ST6GALNAC3: variants seen among roughly 807,000 people sequenced by gnomAD.
ST6GALNAC3 encodes ST6 N-acetylgalactosaminide alpha-2,6-sialyltransferase 3.
In ST6GALNAC3, 25 loss-of-function variants were observed where a neutral mutation model predicts 32.7. The ratio of observed to expected loss-of-function variants is 0.76; its 90% CI spans 0.56 to 1.07. The LOEUF (loss-of-function observed/expected upper bound fraction) is 1.07, where lower values mean the gene tolerates loss of function less well. Among genes scored for constraint, ST6GALNAC3 ranks in the 50% least tolerant of loss-of-function variants. ST6GALNAC3 has a pLI of 0.00. For synonymous variants in ST6GALNAC3, 129 were observed against 133.1 expected (o/e 0.97, Z 0.21); for missense variants, 355 against 382.4 (o/e 0.93, Z 0.60).
intron 1 of ST6GALNAC3, among the ~76,000 whole-genome samples, chr1:76,264,900 C>CTTT (rs397864038): frequency 1.5e-5 from 2 of 137,442 alleles, no homozygotes; most frequent in African/African-American, 2.6e-5. Context: ...CTCTAGTGCT[C>CTTT]TTTTTTTTTT....
chr1:76,383,484 C>T (rs1651874162), intron 2 of ST6GALNAC3, among the ~76,000 whole-genome samples: 1 of 148,700 alleles, frequency 6.7e-6, no homozygotes, highest in Admixed American at 6.8e-5. Flanking sequence ...TCTATATTGC[C>T]CAGGCTGGTC....
In ST6GALNAC3 at chr1:76,162,324, G is replaced by T. The variant is rs552232213; in HGVS notation, c.18+87440G>T. On this transcript the variant is annotated intron_variant, in intron 1 of 4. Transcript: ENST00000328299. ...TGAATCTGTTGCATGCGCATTCTCC[G>T]TTGTAGCCAGATAAGTCTCTCTGCA... Among the ~76,000 whole-genome samples the T allele has an allele frequency of 1.4e-4, 21 of 152,296 alleles. No homozygotes were observed. The South Asian group carries it at 3.7e-3, about 27-fold the overall frequency.
At chr1:76,490,278 C>G (rs1660409665) in intron 3 of ST6GALNAC3, among the ~76,000 whole-genome samples, 1 of 152,004 alleles carries the variant, frequency 6.6e-6, no homozygotes, top group Admixed American at 6.6e-5. Context: ...TCACCACACT[C>G]TAGGCCTACT....
At chr1:76,461,301 T>A (rs1049162266) in intron 3 of ST6GALNAC3, among the ~76,000 whole-genome samples, 1 of 152,224 alleles carries the variant, frequency 6.6e-6, no homozygotes, top group Non-Finnish European at 1.5e-5. Context: ...GTTTTATATT[T>A]AAGTAGTTTC....
chr1:76,616,525 G>A (rs1415557415), intron 3 of ST6GALNAC3, among the ~76,000 whole-genome samples: 1 of 152,174 alleles, frequency 6.6e-6, no homozygotes, highest in Non-Finnish European at 1.5e-5. Context: ...GAAAATGAGA[G>A]CAGCGCCTGC....
At chr1:76,563,920 T>C (rs1557576499) in intron 3 of ST6GALNAC3, among the ~76,000 whole-genome samples, 2 of 152,206 alleles carry the variant, frequency 1.3e-5, no homozygotes, top group African/African-American at 4.8e-5. Flanking sequence ...AGATTAGTTA[T>C]CATTTCCCCC....
At chr1:76,349,305 A>G (rs1015890875) in intron 2 of ST6GALNAC3, among the ~76,000 whole-genome samples, 6 of 152,140 alleles carry the variant, frequency 3.9e-5, no homozygotes, top group Non-Finnish European at 8.8e-5. Context: ...TGTCTAGGGG[A>G]ATAAATTGGC....
intron 3 of ST6GALNAC3, among the ~76,000 whole-genome samples, chr1:76,464,960 A>G (rs1658528522): frequency 6.6e-6 from 1 of 152,088 alleles, no homozygotes; most frequent in African/African-American, 2.4e-5. Context: ...CATGTTTGGC[A>G]TCAGGTTTAA....
At chr1:76,303,049 G>A (rs372289348) in intron 1 of ST6GALNAC3, among the ~76,000 whole-genome samples, 1 of 101,900 alleles carries the variant, frequency 9.8e-6, no homozygotes, top group Non-Finnish European at 2.4e-5. Flanking sequence ...CAACCAGTCC[G>A]ATTGGTTGCA....
intron 3 of ST6GALNAC3, among the ~76,000 whole-genome samples, chr1:76,460,451 A>G (rs561118494): frequency 9.8e-4 from 150 of 152,328 alleles, no homozygotes; most frequent in African/African-American, 3.5e-3. Flanking sequence ...TTCTTTGTCC[A>G]CTATTCACTA....
chr1:76,462,879 A>G (rs193298945), intron 3 of ST6GALNAC3, among the ~76,000 whole-genome samples: 8 of 152,200 alleles, frequency 5.3e-5, no homozygotes, highest in African/African-American at 1.4e-4. Flanking sequence ...AAAATTGTAC[A>G]TTGTGACCAA....
intron 1 of ST6GALNAC3, among the ~76,000 whole-genome samples, chr1:76,144,908 ACT>A (rs1178442480): frequency 6.6e-6 from 1 of 152,058 alleles, no homozygotes; most frequent in Non-Finnish European, 1.5e-5. Flanking sequence ...TTGTGTCTTC[ACT>A]CTGTTATGAG....
chr1:76,459,363 G>A (rs1658114169), intron 3 of ST6GALNAC3, among the ~76,000 whole-genome samples: 1 of 152,184 alleles, frequency 6.6e-6, no homozygotes, highest in Non-Finnish European at 1.5e-5. Context: ...AGGAGATCAA[G>A]ACCATCCTGG....
At chr1:76,133,773 G>C (rs1649763340) in intron 1 of ST6GALNAC3, among the ~76,000 whole-genome samples, 1 of 152,180 alleles carries the variant, frequency 6.6e-6, no homozygotes, top group Non-Finnish European at 1.5e-5. Flanking sequence ...TGACTTCCAG[G>C]AGGAGGATCC....
chr1:76,514,008 A>G (rs932123551), intron 3 of ST6GALNAC3, among the ~76,000 whole-genome samples: 1 of 152,114 alleles, frequency 6.6e-6, no homozygotes, highest in Non-Finnish European at 1.5e-5. Context: ...ATGTTGATTT[A>G]GTGTGCTGTG....
At chr1:76,370,975 T>C (rs1451028608) in intron 2 of ST6GALNAC3, among the ~76,000 whole-genome samples, 2 of 152,148 alleles carry the variant, frequency 1.3e-5, no homozygotes, top group Admixed American at 1.3e-4. Context: ...CATCTTTTAC[T>C]ATTTGACACA....
intron 3 of ST6GALNAC3, among the ~76,000 whole-genome samples, chr1:76,548,181 C>A (rs866665497): frequency 2.0e-5 from 3 of 152,164 alleles, no homozygotes; most frequent in Admixed American, 6.5e-5. Context: ...CTTCTCTGCC[C>A]CATTCTTGCT....
intron 3 of ST6GALNAC3, among the ~76,000 whole-genome samples, chr1:76,512,796 T>C (rs986623057): frequency 6.6e-6 from 1 of 152,132 alleles, no homozygotes; most frequent in Admixed American, 6.6e-5. Flanking sequence ...TTTATTTATA[T>C]ACACACAAAC....
In ST6GALNAC3 at chr1:76,357,132, T is replaced by TTTTTTC. The variant is rs1282353786; in HGVS notation, c.213+43138_213+43139insCTTTTT. Among the ~76,000 whole-genome samples, 31 of 137,282 alleles carry TTTTTTC rather than the reference T, an allele frequency of 2.3e-4. 1 individual carries two copies. Among genetic ancestry groups the TTTTTTC allele is most frequent in the Non-Finnish European group, 4.5e-4 (29 of 64,706 alleles). The allele number at this position is 137,282 out of a possible 152,430, so 90.1% of individuals were successfully genotyped here. A position where few individuals can be genotyped will look rare whatever the true frequency, so the allele number is the denominator to read the frequency against. On this transcript the variant is annotated intron_variant, in intron 2 of 4. Coordinates refer to ENST00000328299, the MANE Select transcript of ST6GALNAC3 (RefSeq NM_152996.4). The stretch of plus-strand genomic sequence containing the variant: ...GTTTTCTTTTTTCTTTTCTTTTTCT[T>TTTTTTC]TTTTTTTTTTTTTCATTTTTGAGAC...
Sources: gnomAD v4.1 joint callset for allele counts (sites outside exome capture counted in the v4.1 genomes callset) on GRCh38, gnomAD v4.1.1 for gene constraint, MANE v1.5 for transcripts, NCBI Gene and HGNC (gene_info 2026-07-23, HGNC 2026-07-21) for gene names.